Variants in GNPNAT1 observed in about 807,000 individuals in gnomAD.
GNPNAT1 encodes the protein glucosamine 6-phosphate N-acetyltransferase.
In GNPNAT1, 11 loss-of-function variants were observed where a neutral mutation model predicts 19.8. That is an observed-to-expected ratio of 0.56 (90% confidence interval 0.35 to 0.92). The LOEUF is 0.92. Among genes scored for constraint, GNPNAT1 ranks in the 40% least tolerant of loss-of-function variants. The pLI is 0.01. For synonymous variants in GNPNAT1, 71 were observed against 72.3 expected, an observed-to-expected ratio of 0.98 and a Z score of 0.09; for missense variants, 157 against 211.0, an observed-to-expected ratio of 0.74 and a Z score of 1.59.
intron 1 of GNPNAT1, among the ~76,000 whole-genome samples, chr14:52,788,392 C>T (rs1000209817): frequency 5.9e-5 from 9 of 152,154 alleles, no homozygotes; most frequent in African/African-American, 2.2e-4. Flanking sequence ...CCTCAGCCTC[C>T]CAAAGTTCTG....
intron 5 of GNPNAT1, among the ~76,000 whole-genome samples, chr14:52,780,202 C>T (rs892162681): frequency 1.3e-5 from 2 of 152,078 alleles, no homozygotes; most frequent in African/African-American, 4.8e-5. Flanking sequence ...TAAATAAGAA[C>T]TACAAGTTCT....
chr14:52,784,749 A>G, intron 1 of GNPNAT1, 85 bp from the exon 2 acceptor site: 1 of 564,048 alleles, frequency 1.8e-6, no homozygotes, highest in South Asian at 3.3e-5. Context: ...AAATTAATGC[A>G]ATTAGAAGCA....
intron 1 of GNPNAT1, among the ~76,000 whole-genome samples, chr14:52,789,234 C>T (rs1020870355): frequency 6.6e-6 from 1 of 152,120 alleles, no homozygotes; most frequent in South Asian, 2.1e-4. Context: ...ACAAGGAACC[C>T]TGCATTTTAA....
At chr14:52,784,321 A>G (rs534423908) in intron 2 of GNPNAT1, among the ~76,000 whole-genome samples, 176 bp downstream of exon 2, 1 of 152,190 alleles carries the variant, frequency 6.6e-6, no homozygotes, top group Non-Finnish European at 1.5e-5. Flanking sequence ...TCACAGTAAT[A>G]TTTGGTCTTA....
chr14:52,779,740 A>C (rs1282948349), intron 5 of GNPNAT1, among the ~76,000 whole-genome samples: 1 of 150,810 alleles, frequency 6.6e-6, no homozygotes, highest in Non-Finnish European at 1.5e-5. Flanking sequence ...AAAAAAAAAA[A>C]AAAAAAAAAA....
Position 52,780,937 on chromosome 14 carries a change from A to AAT in GNPNAT1, c.346-199_346-198dup, listed in dbSNP as rs1416614068. ...AACTTATGAGAAGGAGAGATCATAG[A>AAT]ATATTCTGTAATAGCTGAACATTTC... is the stretch of plus-strand genomic sequence containing the variant. On this transcript the variant is annotated intron_variant, in intron 4 of 5. Coordinates refer to ENST00000216410, the MANE Select transcript of GNPNAT1 (RefSeq NM_198066.4). Among the ~76,000 whole-genome samples the AAT allele has an allele frequency of 2.6e-5, 4 of 152,280 alleles. No individual in the cohort carries two copies. In the East Asian group the frequency reaches 7.7e-4, roughly 29 times the overall value.
In GNPNAT1 at chr14:52,777,286, A is replaced by G. The variant is rs1882757887; in HGVS notation, c.*1025T>C. 6.5e-6 allele frequency: 1 copy of G among 152,696 alleles called. No homozygotes were observed. The highest frequency in any genetic ancestry group is 1.5e-5 in the Non-Finnish European group (1 of 68,056). 9.5% of individuals were successfully genotyped at this position (152,696 alleles called of 1,614,324 possible). ...CTCATATAAACAGGTTTAATGCAAC[A>G]TGGAATGCAAAAGATTAGAACCATT... On this transcript the variant is annotated 3_prime_UTR_variant, in exon 6 of 6. Transcript: ENST00000216410.
chr14:52,789,146 T>C (rs1302063402), intron 1 of GNPNAT1, among the ~76,000 whole-genome samples: 1 of 152,220 alleles, frequency 6.6e-6, no homozygotes, highest in African/African-American at 2.4e-5. Context: ...CAGAAGCCCC[T>C]GACCTGTGCC....
chr14:52,782,753 G>A (rs958894370), intron 3 of GNPNAT1, among the ~76,000 whole-genome samples: 1 of 152,000 alleles, frequency 6.6e-6, no homozygotes, highest in Non-Finnish European at 1.5e-5. Context: ...GGGTCAAATA[G>A]AATTCAATAC....
At chr14:52,788,870 T>C (rs1883084377) in intron 1 of GNPNAT1, among the ~76,000 whole-genome samples, 1 of 151,992 alleles carries the variant, frequency 6.6e-6, no homozygotes. Context: ...AGCCCTTAAA[T>C]AATGAATTTT....
At position 52,775,355 on chromosome 14, in the gene GNPNAT1, T is replaced by C. The variant is rs1882678743; in HGVS notation, c.*2956A>G. 6.6e-6 allele frequency: 1 copy of C among 152,148 alleles called. No homozygotes were observed. The highest frequency in any genetic ancestry group is 2.4e-5 in the African/African-American group (1 of 41,422). The allele number at this position is 152,148 out of a possible 1,614,324, so 9.4% of individuals were successfully genotyped here. On this transcript the variant is annotated 3_prime_UTR_variant, in exon 6 of 6. Transcript: ENST00000216410. The stretch of plus-strand genomic sequence containing the variant: ...CTTTTATATTACCATCTTCCCCCAT[T>C]AGGCCTACCTGCATACTGTGCTTCA...
At chr14:52,781,048 T>C (rs1041976202) in intron 4 of GNPNAT1, among the ~76,000 whole-genome samples, 7 of 152,146 alleles carry the variant, frequency 4.6e-5, no homozygotes, top group Non-Finnish European at 1.0e-4. Flanking sequence ...GTACTACTAT[T>C]AAAAGTTAAT....
chr14:52,788,677 T>C (rs1037792945), intron 1 of GNPNAT1, among the ~76,000 whole-genome samples: 1 of 152,170 alleles, frequency 6.6e-6, no homozygotes, highest in Non-Finnish European at 1.5e-5. Flanking sequence ...TAGTTGTAAA[T>C]ACAAAGTTCA....
intron 4 of GNPNAT1, 112 bp from the exon 5 acceptor site, chr14:52,780,852 A>T (rs1882878337): frequency 4.7e-6 from 3 of 639,136 alleles, no homozygotes; most frequent in Middle Eastern, 3.7e-4. Context: ...ACTTGAACTT[A>T]ACAGAAATCA....
intron 5 of GNPNAT1, among the ~76,000 whole-genome samples, chr14:52,778,792 C>T (rs989983856): frequency 2.6e-4 from 40 of 152,148 alleles, no homozygotes; most frequent in Non-Finnish European, 4.7e-4. Flanking sequence ...CCGAGGCAGG[C>T]GATCGCTAGA....
At chr14:52,787,440 G>A (rs1416824055) in intron 1 of GNPNAT1, among the ~76,000 whole-genome samples, 1 of 152,126 alleles carries the variant, frequency 6.6e-6, no homozygotes, top group Non-Finnish European at 1.5e-5. Context: ...TGTTGAAAGA[G>A]CTTTACTAAT....
chr14:52,779,741 A>AAC (rs573047284), intron 5 of GNPNAT1, among the ~76,000 whole-genome samples: 1 of 151,016 alleles, frequency 6.6e-6, no homozygotes, highest in Admixed American at 6.6e-5. Context: ...AAAAAAAAAA[A>AAC]AAAAAAAAAC....
rs1245273701 is a variant in GNPNAT1, at chr14:52,778,186, T to C, written c.*125A>G. The C allele has an allele frequency of 4.1e-5, 25 of 616,796 alleles. No homozygotes were observed. In the East Asian group the frequency reaches 7.1e-4, roughly 18 times the overall value. 38.2% of individuals were successfully genotyped at this position (616,796 alleles called of 1,614,324 possible). A position where few individuals can be genotyped will look rare whatever the true frequency, so the allele number is the denominator to read the frequency against. On this transcript the variant is annotated 3_prime_UTR_variant, in exon 6 of 6. Transcript: ENST00000216410. ...CTTCTAAATGTCATTATACTTGTAG[T>C]ATTACAATGTTTTTTCAGTCCAGTA...
rs1332272318 is a variant in GNPNAT1, at chr14:52,777,941, T to C, written c.*370A>G. On this transcript the variant is annotated 3_prime_UTR_variant, in exon 6 of 6. Transcript: ENST00000216410. ...TTTATGCATGTGATAAACAGCCTTATTCAATGTATACTTTTTTTAAATGAG... is the reference window on the plus strand; with the variant it reads ...TTTATGCATGTGATAAACAGCCTTACTCAATGTATACTTTTTTTAAATGAG... 1 of 155,576 alleles carries C rather than the reference T, an allele frequency of 6.4e-6. No homozygotes were observed. The highest frequency in any genetic ancestry group is 2.4e-5 in the African/African-American group (1 of 41,570). The allele number at this position is 155,576 out of a possible 1,614,324, so 9.6% of individuals were successfully genotyped here. A position where few individuals can be genotyped will look rare whatever the true frequency, so the allele number is the denominator to read the frequency against.
Sources: allele counts gnomAD v4.1 joint callset (sites outside exome capture counted in the v4.1 genomes callset), GRCh38; gene constraint gnomAD v4.1.1; transcripts MANE v1.5; gene names NCBI Gene and HGNC (gene_info 2026-07-23, HGNC 2026-07-21).